The following AGAP3 variants were observed in gnomAD, a reference collection of about 807,000 sequenced individuals.
AGAP3 encodes arf-GAP with GTPase, ANK repeat and PH domain-containing protein 3.
A neutral mutation model predicts 96.9 loss-of-function variants in AGAP3; 24 were observed. The observed-to-expected ratio is 0.25, with a 90% CI of 0.18 to 0.35. AGAP3 has a LOEUF of 0.35. Among genes scored for constraint, AGAP3 ranks in the 10% least tolerant of loss-of-function variants. The probability of loss-of-function intolerance (pLI) is 1.00; values close to 1 mark genes in which losing one functional copy is unlikely to be tolerated. For synonymous variants in AGAP3, 563 were observed against 536.1 expected, an observed-to-expected ratio of 1.05 and a Z score of -0.69; for missense variants, 876 against 1,254.2, an observed-to-expected ratio of 0.70 and a Z score of 4.55.
At chr7:151,129,135 G>A (rs1012587196) in intron 10 of AGAP3, among the ~76,000 whole-genome samples, 1 of 152,092 alleles carries the variant, frequency 6.6e-6, no homozygotes, top group Non-Finnish European at 1.5e-5. Context: ...GGAGGGTCTG[G>A]TGGCCACGTG....
intron 1 of AGAP3, 128 bp downstream of exon 1, chr7:151,087,200 A>G: frequency 2.9e-6 from 3 of 1,018,594 alleles, no homozygotes; most frequent in Non-Finnish European, 2.9e-6. Context: ...GGACCAGGCC[A>G]CGAGGTTTGC....
intron 8 of AGAP3, 24 bp downstream of exon 8, chr7:151,120,169 G>C (rs771446520): frequency 4.5e-6 from 7 of 1,568,664 alleles, no homozygotes; most frequent in Non-Finnish European, 6.1e-6. Flanking sequence ...CTCCTCCCCC[G>C]CCCAGCTGCC....
intron 9 of AGAP3, among the ~76,000 whole-genome samples, chr7:151,126,346 GGAGCAGAGCGGAGCA>G (rs1394828088): frequency 2.9e-4 from 20 of 70,028 alleles, no homozygotes; most frequent in African/African-American, 5.1e-4. Flanking sequence ...GCTGGAGATG[GGAGCAGAGCGGAGCA>G]GAGCAGAGCG....
At position 151,102,899 on chromosome 7, in the gene AGAP3, A is replaced by G. The variant is rs548504311; in HGVS notation, c.332-13894A>G. Among the ~76,000 whole-genome samples, 5 of 152,218 alleles carry G rather than the reference A, an allele frequency of 3.3e-5. No individual in the cohort carries two copies. In the East Asian group the frequency reaches 9.7e-4, roughly 29 times the overall value. On this transcript the variant is annotated intron_variant, in intron 1 of 17. Transcript: ENST00000397238. ...AGTGCTGGGATTACAGGCATGAGCC[A>G]CCTCACCCAGCCGCTACAAAAAATT...
rs762190498 is a variant in AGAP3 at position 151,118,352 on chromosome 7, G to A, written c.841+8G>A. The A allele has an allele frequency of 1.4e-5, 23 of 1,607,268 alleles. No homozygotes were observed. Among genetic ancestry groups the A allele is most frequent in the Admixed American group, 1.2e-4 (7 of 59,778 alleles). On this transcript the variant is annotated splice_region_variant and intron_variant, in intron 6 of 17. Coordinates refer to ENST00000397238, the MANE Select transcript of AGAP3 (RefSeq NM_031946.7). This position sits in a 1 kb window ranked among gnomAD's most constrained non-coding sequence, Gnocchi z 6.1. ...AGCGTGTCTTCCAGGACGGTAACTCGGGTGCCGGGTGGGAGTCACTGGCAG... is the reference window on the plus strand; with the variant it reads ...AGCGTGTCTTCCAGGACGGTAACTCAGGTGCCGGGTGGGAGTCACTGGCAG...
At chr7:151,130,544 A>G (rs1394888762) in intron 10 of AGAP3, among the ~76,000 whole-genome samples, 1 of 151,690 alleles carries the variant, frequency 6.6e-6, no homozygotes, top group African/African-American at 2.4e-5. Flanking sequence ...GTAAGGAGGG[A>G]GTTGGGCTTG....
chr7:151,117,716 C>T lies in AGAP3; in HGVS notation c.645C>T (p.Phe215=), dbSNP rs779063581. ...EISFQTVYNY[F]LRLCSFRNAS... is the part of the protein sequence containing the mutation. The stretch of plus-strand genomic sequence containing the variant: ...GTTTCCAGACGGTGTACAACTACTT[C>T]CTGCGTCTCTGCAGCTTCCGCAACG... The change falls in exon 5 of 18, where the codon TTC becomes TTT. Residue 215 remains phenylalanine, a synonymous_variant. Coordinates refer to ENST00000397238, the MANE Select transcript of AGAP3 (RefSeq NM_031946.7). 7 of 1,614,220 alleles carry T rather than the reference C, an allele frequency of 4.3e-6. No homozygotes were observed. The South Asian group carries it at 4.4e-5, about 10-fold the overall frequency.
intron 8 of AGAP3, chr7:151,123,360 C>T (rs549998372): frequency 1.3e-5 from 14 of 1,046,496 alleles, no homozygotes; most frequent in South Asian, 3.4e-5. Context: ...GCCACGCCGA[C>T]GCGCTCGGTG....
chr7:151,087,159 C>T (rs1195569316), intron 1 of AGAP3, 87 bp downstream of exon 1: 3 of 1,407,020 alleles, frequency 2.1e-6, no homozygotes, highest in South Asian at 2.5e-5. Flanking sequence ...CCTGGCCATG[C>T]TCTCCCTGTC....
At position 151,140,076 on chromosome 7, in the gene AGAP3, C is replaced by G. The variant is rs750756088; in HGVS notation, c.1764C>G (p.Thr588=). ...NRKKHRRKKS[T]GTPRPDGPSS... Reference sequence around the variant, plus strand: ...AGAAGCACCGGAGGAAAAAGAGCACCGGGACCCCCCGACCAGACGGCCCCA... The same window carrying G: ...AGAAGCACCGGAGGAAAAAGAGCACGGGGACCCCCCGACCAGACGGCCCCA... Residue 588 remains threonine, a synonymous_variant, in exon 13 of 18, where the codon ACC becomes ACG. Coordinates refer to ENST00000397238, the MANE Select transcript of AGAP3 (RefSeq NM_031946.7). The surrounding 1 kb of genome is among the most constrained non-coding windows in gnomAD (Gnocchi z 5.4). The G allele has an allele frequency of 6.2e-7, 1 of 1,604,916 alleles. No individual in the cohort carries two copies. Among genetic ancestry groups the G allele is most frequent in the Non-Finnish European group, 8.5e-7 (1 of 1,176,276 alleles).
chr7:151,121,043 A>C (rs1799862439), intron 8 of AGAP3: 1 of 185,762 alleles, frequency 5.4e-6, no homozygotes, highest in East Asian at 1.8e-4. Context: ...TTCCGAGAGC[A>C]GGGCTTGGCT....
Position 151,143,302 on chromosome 7 carries a change from C to A in AGAP3, c.2274-39C>A. On this transcript the variant is annotated intron_variant, in intron 16 of 17. Transcript: ENST00000397238. This position sits in a 1 kb window ranked among gnomAD's most constrained non-coding sequence, Gnocchi z 5.9. The stretch of plus-strand genomic sequence containing the variant: ...CCTGGCCCCACCCGTTGCTCGGTGA[C>A]CTTCCTTGGCTCATGCCCTGATGGG... 4 of 1,565,506 alleles carry A rather than the reference C, an allele frequency of 2.6e-6. No individual in the cohort carries two copies. Among genetic ancestry groups the A allele is most frequent in the Non-Finnish European group, 3.5e-6 (4 of 1,153,238 alleles).
chr7:151,133,398 G>A lies in AGAP3; in HGVS notation c.1327-1002G>A, dbSNP rs1490378850. Among the ~76,000 whole-genome samples, 2 of 152,162 alleles carry A rather than the reference G, an allele frequency of 1.3e-5. No homozygotes were observed. Among genetic ancestry groups the A allele is most frequent in the Admixed American group, 6.5e-5 (1 of 15,284 alleles). On this transcript the variant is annotated intron_variant, in intron 10 of 17. Coordinates refer to ENST00000397238, the MANE Select transcript of AGAP3 (RefSeq NM_031946.7). The surrounding 1 kb of genome is among the most constrained non-coding windows in gnomAD (Gnocchi z 5.4). Reference sequence around the variant, plus strand: ...AGAGGCTGGAAGCAGGAGGCCCAGCGGGGCTCCAGGCCAGGAAGCGGCAGG... The same window carrying A: ...AGAGGCTGGAAGCAGGAGGCCCAGCAGGGCTCCAGGCCAGGAAGCGGCAGG...
Position 151,086,752 on chromosome 7 carries a change from A to G in AGAP3, c.11A>G (p.Gln4Arg). 1.0e-6 allele frequency: 1 copy of G among 958,062 alleles called. No individual in the cohort carries two copies. The highest frequency in any genetic ancestry group is 1.2e-6 in the Non-Finnish European group (1 of 813,690). The allele number at this position is 958,062 out of a possible 1,614,324, so 59.3% of individuals were successfully genotyped here. A position where few individuals can be genotyped will look rare whatever the true frequency, so the allele number is the denominator to read the frequency against. MNFQAGGGQSPQQQ... is the reference protein window; with the variant it reads MNFRAGGGQSPQQQ... ...CACGGCTCCGAAGCCATGAACTTCC[A>G]GGCGGGCGGGGGGCAGAGCCCGCAG... The change falls in exon 1 of 18, where the codon CAG becomes CGG. Residue 4 changes from glutamine to arginine, a missense_variant. This residue lies in a region of AGAP3 where 62 missense variants were observed against 82.8 expected (regional missense o/e 0.75). Transcript: ENST00000397238.
At position 151,142,075 on chromosome 7, in the gene AGAP3, C is replaced by T. The variant is rs1384823739; in HGVS notation, c.1959+23C>T. The T allele has an allele frequency of 1.2e-6, 2 of 1,608,750 alleles. No homozygotes were observed. The highest frequency in any genetic ancestry group is 1.7e-6 in the Non-Finnish European group (2 of 1,176,224). The stretch of plus-strand genomic sequence containing the variant: ...AAGGTGGGTACAGAGTGACTGGGCC[C>T]ACACAGAGCACCTGGCTGGGGTGGG... On this transcript the variant is annotated intron_variant, in intron 14 of 17. Transcript: ENST00000397238. This position sits in a 1 kb window ranked among gnomAD's most constrained non-coding sequence, Gnocchi z 7.5.
At position 151,139,811 on chromosome 7, in the gene AGAP3, C is replaced by G. The variant is rs1316487949; in HGVS notation, c.1667-168C>G. 1.9e-6 allele frequency: 1 copy of G among 538,620 alleles called. No individual in the cohort carries two copies. Among genetic ancestry groups the G allele is most frequent in the Non-Finnish European group, 2.9e-6 (1 of 343,070 alleles). 33.4% of individuals were successfully genotyped at this position (538,620 alleles called of 1,614,324 possible). ...CCTCCAAGGCTGGGGAGCTTTGGGA[C>G]TGGGAAGCCCAGGCAGACCTCGCCT... On this transcript the variant is annotated intron_variant, in intron 12 of 17. Coordinates refer to ENST00000397238, the MANE Select transcript of AGAP3 (RefSeq NM_031946.7). The surrounding 1 kb of genome is among the most constrained non-coding windows in gnomAD (Gnocchi z 4.9).
intron 8 of AGAP3, among the ~76,000 whole-genome samples, 181 bp downstream of exon 8, chr7:151,120,326 C>G (rs1799817931): frequency 6.6e-6 from 1 of 152,222 alleles, no homozygotes; most frequent in Admixed American, 6.5e-5. Context: ...GTCTTCCAGA[C>G]TGTTCTCTGC....
In AGAP3 at chr7:151,140,149, G is replaced by A. The variant is rs1163573333; in HGVS notation, c.1804+33G>A. Reference sequence around the variant, plus strand: ...GGACCCAGAGGGAAACCGGGCACAGGAGGTGGGCAGTGGGACTTGGGGATA... The same window carrying A: ...GGACCCAGAGGGAAACCGGGCACAGAAGGTGGGCAGTGGGACTTGGGGATA... On this transcript the variant is annotated intron_variant, in intron 13 of 17. Coordinates refer to ENST00000397238, the MANE Select transcript of AGAP3 (RefSeq NM_031946.7). This position sits in a 1 kb window ranked among gnomAD's most constrained non-coding sequence, Gnocchi z 5.4. The A allele has an allele frequency of 1.3e-6, 2 of 1,528,168 alleles. No homozygotes were observed. Among genetic ancestry groups the A allele is most frequent in the Non-Finnish European group, 8.8e-7 (1 of 1,138,740 alleles). 94.7% of individuals were successfully genotyped at this position (1,528,168 alleles called of 1,614,324 possible). A position where few individuals can be genotyped will look rare whatever the true frequency, so the allele number is the denominator to read the frequency against.
At position 151,113,166 on chromosome 7, in the gene AGAP3, T is replaced by C. The variant is rs1479252355; in HGVS notation, c.332-3627T>C. Among the ~76,000 whole-genome samples, 6 of 152,206 alleles carry C rather than the reference T, an allele frequency of 3.9e-5. No individual in the cohort carries two copies. The South Asian group carries it at 1.2e-3, about 31-fold the overall frequency. ...CGTAGATAGGGAAGTCAAGGCAGAATGTGTTTCCTTTTGATCTGCAGCTCA... is the reference window on the plus strand; with the variant it reads ...CGTAGATAGGGAAGTCAAGGCAGAACGTGTTTCCTTTTGATCTGCAGCTCA... On this transcript the variant is annotated intron_variant, in intron 1 of 17. Transcript: ENST00000397238.
Sources: gnomAD v4.1 joint callset for allele counts (sites outside exome capture counted in the v4.1 genomes callset) on GRCh38, gnomAD v4.1.1 for gene constraint, gnomAD v4.1.1 regional missense constraint, Gnocchi (gnomAD v3.1) non-coding constraint, MANE v1.5 for transcripts, NCBI Gene and HGNC (gene_info 2026-07-23, HGNC 2026-07-21) for gene names.